The following PPFIBP1 variants were observed in gnomAD, a reference collection of about 807,000 sequenced individuals.
PPFIBP1 encodes PPFIB scaffold protein 1.
A neutral mutation model predicts 137.8 loss-of-function variants in PPFIBP1; 112 were observed. The observed-to-expected ratio is 0.81, with a 90% CI of 0.70 to 0.95. The LOEUF is 0.95. PPFIBP1 is among the 40% of genes least tolerant of loss of function. The pLI is 0.00. For synonymous variants in PPFIBP1, 378 were observed against 417.3 expected (o/e 0.91, Z 1.15); for missense variants, 1,083 against 1,196.6 (o/e 0.91, Z 1.40).
chr12:27,647,621 C>T (rs1299292967), intron 5 of PPFIBP1, 108 bp from the exon 6 acceptor site: 6 of 670,796 alleles, frequency 8.9e-6, no homozygotes, highest in Admixed American at 3.0e-5. Flanking sequence ...TCTTTATAAC[C>T]GTATGAATGG....
At chr12:27,532,149 C>A (rs1944489589) in intron 1 of PPFIBP1, among the ~76,000 whole-genome samples, 1 of 152,188 alleles carries the variant, frequency 6.6e-6, no homozygotes, top group South Asian at 2.1e-4. Context: ...TTAAGCAATT[C>A]CCAGCCTTGG....
intron 4 of PPFIBP1, among the ~76,000 whole-genome samples, chr12:27,643,152 A>G (rs12371267): frequency 0.27 from 39,696 of 144,686 alleles, 6,437 homozygotes; most frequent in Middle Eastern, 0.38. Flanking sequence ...CAGTCTAGAT[A>G]GAGGTCAACC....
Position 27,673,846 on chromosome 12 carries a change from GT to G in PPFIBP1, c.1380+28del, listed in dbSNP as rs540919156. 4.5e-5 allele frequency: 72 copies of G among 1,582,840 alleles called. No individual in the cohort carries two copies. The highest frequency in any genetic ancestry group is 2.4e-4 in the African/African-American group (18 of 73,530). ...TGATGGGGTGGGTTCTGTGTTTTTT[GT>G]TTTTTTTTGTCTGTTATCCTGAGAA... is the stretch of plus-strand genomic sequence containing the variant. On this transcript the variant is annotated intron_variant, in intron 16 of 29. Coordinates refer to ENST00000228425, the MANE Select transcript of PPFIBP1 (RefSeq NM_003622.4).
At chr12:27,588,847 G>C (rs192856658) in intron 2 of PPFIBP1, among the ~76,000 whole-genome samples, 188 of 152,278 alleles carry the variant, frequency 1.2e-3, no homozygotes, top group Non-Finnish European at 2.0e-3. Context: ...TAAAGCCATG[G>C]AATTCCTTTG....
Position 27,653,407 on chromosome 12 carries a change from A to G in PPFIBP1, c.604-1315A>G, listed in dbSNP as rs567917887. On this transcript the variant is annotated intron_variant, in intron 7 of 29. Coordinates refer to ENST00000228425, the MANE Select transcript of PPFIBP1 (RefSeq NM_003622.4). ...TCAAGACCAGCCAGGTCAACATGGT[A>G]AAACCCCCGTCTCTACTAAAAATAC... Among the ~76,000 whole-genome samples, 6 of 152,028 alleles carry G rather than the reference A, an allele frequency of 3.9e-5. No individual in the cohort carries two copies. The South Asian group carries it at 1.2e-3, about 32-fold the overall frequency.
intron 1 of PPFIBP1, among the ~76,000 whole-genome samples, chr12:27,529,419 C>T (rs554736139): frequency 4.6e-5 from 7 of 152,284 alleles, no homozygotes; most frequent in African/African-American, 1.7e-4. Flanking sequence ...CCAGGCTGGA[C>T]GCGATGGCTC....
rs1198654691 is a variant in PPFIBP1 at position 27,577,782 on chromosome 12, C to T, written c.-123-370C>T. On this transcript the variant is annotated intron_variant, in intron 1 of 29. Transcript: ENST00000228425. Reference sequence around the variant, plus strand: ...TTTTTACCTTAACGACAAAATATTGCAAAACCGTGGTTCATTCATTTACTC... The same window carrying T: ...TTTTTACCTTAACGACAAAATATTGTAAAACCGTGGTTCATTCATTTACTC... 5.3e-5 allele frequency among the ~76,000 whole-genome samples: 8 copies of T among 152,006 alleles called. No homozygotes were observed. The East Asian group carries it at 7.7e-4, about 15-fold the overall frequency.
chr12:27,599,585 T>C (rs1385413593), intron 2 of PPFIBP1: 8 of 447,040 alleles, frequency 1.8e-5, no homozygotes, highest in Admixed American at 9.5e-5. Context: ...TTTCATCCAT[T>C]CATTTCCTAT....
rs538179980 is a variant in PPFIBP1 at position 27,664,537 on chromosome 12, T to C, written c.991+91T>C. 4.6e-5 allele frequency: 39 copies of C among 851,634 alleles called. No individual in the cohort carries two copies. The African/African-American group carries it at 5.6e-4, about 12-fold the overall frequency. 52.8% of individuals were successfully genotyped at this position (851,634 alleles called of 1,614,324 possible). A position where few individuals can be genotyped will look rare whatever the true frequency, so the allele number is the denominator to read the frequency against. ...TGGCCTCAATTTCTTTCCTGGATCA[T>C]ACCCATTGTCCCAAATTAGGTAGCT... is the stretch of plus-strand genomic sequence containing the variant. On this transcript the variant is annotated intron_variant, in intron 12 of 29. Coordinates refer to ENST00000228425, the MANE Select transcript of PPFIBP1 (RefSeq NM_003622.4).
chr12:27,603,562 A>G (rs187307578), intron 2 of PPFIBP1, among the ~76,000 whole-genome samples: 1 of 152,312 alleles, frequency 6.6e-6, no homozygotes, highest in East Asian at 1.9e-4. Context: ...AGCCTCCACC[A>G]GGGCAAGGTG....
At chr12:27,536,291 T>C (rs1350451870) in intron 1 of PPFIBP1, among the ~76,000 whole-genome samples, 4 of 152,228 alleles carry the variant, frequency 2.6e-5, no homozygotes, top group Non-Finnish European at 5.9e-5. Flanking sequence ...TAGGCTGTTT[T>C]GCATTGCTAT....
At chr12:27,547,281 T>C (rs904727031) in intron 1 of PPFIBP1, 2 of 152,302 alleles carry the variant, frequency 1.3e-5, no homozygotes, top group South Asian at 2.1e-4. Flanking sequence ...CCGCCTTTAC[T>C]TGTGAACTTG....
chr12:27,691,663 G>T, intron 27 of PPFIBP1, 86 bp from the exon 28 acceptor site: 1 of 1,080,610 alleles, frequency 9.3e-7, no homozygotes. Context: ...AGGGGGCAAC[G>T]CAAAAAAAAA....
chr12:27,587,943 A>G (rs2051985358), intron 2 of PPFIBP1, among the ~76,000 whole-genome samples: 1 of 152,120 alleles, frequency 6.6e-6, no homozygotes, highest in Non-Finnish European at 1.5e-5. Context: ...ATTGGTTGTC[A>G]TGTTTCTTTC....
intron 1 of PPFIBP1, among the ~76,000 whole-genome samples, chr12:27,558,848 C>T (rs2048926358): frequency 1.3e-5 from 2 of 151,952 alleles, no homozygotes; most frequent in Admixed American, 6.6e-5. Flanking sequence ...ATAGCTATAA[C>T]AGTGATTTTT....
At chr12:27,661,600 C>T (rs2059556671) in intron 11 of PPFIBP1, among the ~76,000 whole-genome samples, 1 of 152,178 alleles carries the variant, frequency 6.6e-6, no homozygotes, top group South Asian at 2.1e-4. Flanking sequence ...ATCTAGCAGG[C>T]AGCCGCAGCT....
chr12:27,675,491 C>A (rs1367570588), intron 17 of PPFIBP1, among the ~76,000 whole-genome samples: 1 of 151,806 alleles, frequency 6.6e-6, no homozygotes, highest in East Asian at 1.9e-4. Context: ...AAGCAGAGGG[C>A]AAGAATTATT....
At chr12:27,651,346 A>G (rs1451529307) in intron 7 of PPFIBP1, among the ~76,000 whole-genome samples, 3 of 151,586 alleles carry the variant, frequency 2.0e-5, no homozygotes, top group Non-Finnish European at 2.9e-5. Flanking sequence ...GCCTCAAGCA[A>G]TTCTCCCATT....
intron 1 of PPFIBP1, among the ~76,000 whole-genome samples, chr12:27,551,013 T>C (rs1807185661): frequency 6.7e-6 from 1 of 148,440 alleles, no homozygotes; most frequent in African/African-American, 2.5e-5. Flanking sequence ...TTAACAAACG[T>C]GAAAACTGAG....
Sources: allele counts gnomAD v4.1 joint callset (sites outside exome capture counted in the v4.1 genomes callset), GRCh38; gene constraint gnomAD v4.1.1; transcripts MANE v1.5; gene names NCBI Gene and HGNC (gene_info 2026-07-23, HGNC 2026-07-21).